Variants in KCNMA1 observed in about 807,000 individuals in gnomAD.
The protein encoded by KCNMA1 is potassium calcium-activated channel subfamily M alpha 1.
A neutral mutation model predicts 140.0 loss-of-function variants in KCNMA1; 29 were observed. The ratio of observed to expected loss-of-function variants is 0.21; its 90% CI spans 0.15 to 0.28. The LOEUF (loss-of-function observed/expected upper bound fraction) is 0.28, where lower values mean the gene tolerates loss of function less well. KCNMA1 is among the 10% of genes least tolerant of loss of function. The probability of loss-of-function intolerance (pLI) is 1.00; values close to 1 mark genes in which losing one functional copy is unlikely to be tolerated. For missense variants in KCNMA1, 880 were observed against 1,602.2 expected (o/e 0.55, Z 7.70); for synonymous variants, 612 against 611.9 (o/e 1.00, Z 0.00).
chr10:77,568,486 C>G, intron 1 of KCNMA1, among the ~76,000 whole-genome samples: 1 of 152,054 alleles, frequency 6.6e-6, no homozygotes, highest in Non-Finnish European at 1.5e-5. Context: ...ACAAAAACCA[C>G]ATGATTATCT....
At chr10:77,001,302 A>G (rs1315106576) in intron 19 of KCNMA1, 105 bp downstream of exon 19, 6 of 1,036,562 alleles carry the variant, frequency 5.8e-6, no homozygotes, top group Non-Finnish European at 8.8e-6. Flanking sequence ...CACTGGGAAG[A>G]AGACATCAGC....
intron 5 of KCNMA1, among the ~76,000 whole-genome samples, chr10:77,130,818 T>C (rs894074387): frequency 6.6e-6 from 1 of 152,144 alleles, no homozygotes; most frequent in Admixed American, 6.6e-5. Flanking sequence ...TTTATATTTA[T>C]ATAAACATAT....
intron 3 of KCNMA1, among the ~76,000 whole-genome samples, chr10:77,185,640 T>TGTGTC (rs2098843473): frequency 6.6e-6 from 1 of 150,866 alleles, no homozygotes; most frequent in Non-Finnish European, 1.5e-5. Context: ...ACTTGGTGTG[T>TGTGTC]GTGTCGAGCA....
At chr10:77,218,847 C>T (rs939439315) in intron 3 of KCNMA1, among the ~76,000 whole-genome samples, 6 of 152,142 alleles carry the variant, frequency 3.9e-5, no homozygotes, top group South Asian at 4.2e-4. Context: ...CCACCATATC[C>T]GGCTAATTTT....
At chr10:77,620,756 A>T (rs970187304) in intron 1 of KCNMA1, among the ~76,000 whole-genome samples, 51 of 152,232 alleles carry the variant, frequency 3.4e-4, no homozygotes, top group African/African-American at 1.2e-3. Flanking sequence ...TCTGTTATTC[A>T]CATTGCCATT....
At chr10:77,545,162 C>T (rs1037446817) in intron 1 of KCNMA1, among the ~76,000 whole-genome samples, 2 of 152,174 alleles carry the variant, frequency 1.3e-5, no homozygotes, top group Non-Finnish European at 2.9e-5. Context: ...TGGGTTCCTC[C>T]GGAAAATCTC....
intron 2 of KCNMA1, among the ~76,000 whole-genome samples, chr10:77,287,444 GA>G (rs538459831): frequency 6.6e-6 from 1 of 152,162 alleles, no homozygotes; most frequent in Non-Finnish European, 1.5e-5. Flanking sequence ...TTTTATTACA[GA>G]AGAGACTGTC....
At chr10:77,581,863 G>A (rs1300308059) in intron 1 of KCNMA1, among the ~76,000 whole-genome samples, 2 of 152,232 alleles carry the variant, frequency 1.3e-5, no homozygotes, top group East Asian at 3.9e-4. Context: ...CTCAATGGAG[G>A]AAGACAGCTT....
intron 1 of KCNMA1, among the ~76,000 whole-genome samples, chr10:77,624,090 T>C (rs1370407983): frequency 1.3e-5 from 2 of 152,200 alleles, no homozygotes; most frequent in African/African-American, 4.8e-5. Flanking sequence ...TGCAGTTATC[T>C]TATCCCTGCT....
At chr10:77,015,654 T>C (rs761926342) in intron 17 of KCNMA1, among the ~76,000 whole-genome samples, 3 of 152,298 alleles carry the variant, frequency 2.0e-5, no homozygotes, top group East Asian at 1.9e-4. Flanking sequence ...ATAGCCCAGA[T>C]AGAATGCTTA....
intron 1 of KCNMA1, among the ~76,000 whole-genome samples, chr10:77,508,500 G>T (rs569066530): frequency 1.3e-5 from 2 of 150,774 alleles, no homozygotes; most frequent in South Asian, 4.2e-4. Context: ...TGACTTTTAT[G>T]CTCTTTTTAT....
rs544178040 is a variant in KCNMA1 at position 76,878,785 on chromosome 10, A to G, written c.3428-895T>C. Reference sequence around the variant, plus strand: ...AGCATCCTCTTAGCAGTGCAAAGCTATTTTACAAGACTCAACCCTCATCCC... The same window carrying G: ...AGCATCCTCTTAGCAGTGCAAAGCTGTTTTACAAGACTCAACCCTCATCCC... On this transcript the variant is annotated intron_variant, in intron 29 of 29. Coordinates refer to the KCNMA1 transcript ENST00000372403. Among the ~76,000 whole-genome samples the G allele has an allele frequency of 9.2e-5, 14 of 152,130 alleles. No individual in the cohort carries two copies. In the East Asian group the frequency reaches 2.5e-3, roughly 27 times the overall value.
At chr10:77,543,321 C>G (rs1438015244) in intron 1 of KCNMA1, among the ~76,000 whole-genome samples, 1 of 152,130 alleles carries the variant, frequency 6.6e-6, no homozygotes, top group Non-Finnish European at 1.5e-5. Flanking sequence ...GGAGCTGACA[C>G]CATGGCAGAG....
intron 25 of KCNMA1, among the ~76,000 whole-genome samples, chr10:76,909,291 TC>T (rs1459124123): frequency 2.0e-5 from 3 of 152,090 alleles, no homozygotes; most frequent in African/African-American, 7.2e-5. Context: ...ACCAGCTCTA[TC>T]CTAGTCCAAG....
At chr10:77,409,721 C>T (rs1428672302) in intron 1 of KCNMA1, among the ~76,000 whole-genome samples, 1 of 152,184 alleles carries the variant, frequency 6.6e-6, no homozygotes, top group African/African-American at 2.4e-5. Flanking sequence ...ACAGCCCCAT[C>T]CCTCAGATTT....
intron 5 of KCNMA1, among the ~76,000 whole-genome samples, chr10:77,166,969 T>C (rs532207746): frequency 6.6e-6 from 1 of 152,336 alleles, no homozygotes; most frequent in South Asian, 2.1e-4. Flanking sequence ...ATTGAAATTA[T>C]TCTTTTGTAG....
In KCNMA1 at chr10:77,063,011, A is replaced by G. The variant is rs1041597918; in HGVS notation, c.1749+10086T>C. On this transcript the variant is annotated intron_variant, in intron 14 of 27. Coordinates refer to ENST00000286628, the MANE Select transcript of KCNMA1 (RefSeq NM_001161352.2). Reference sequence around the variant, plus strand: ...ATGGTGATGGGTCCTGTGGCTTACTATTCTACAACTGAAGAAAGGTCAGAG... The same window carrying G: ...ATGGTGATGGGTCCTGTGGCTTACTGTTCTACAACTGAAGAAAGGTCAGAG... Among the ~76,000 whole-genome samples the G allele has an allele frequency of 2.0e-5, 3 of 152,196 alleles. No individual in the cohort carries two copies. The East Asian group carries it at 5.8e-4, about 29-fold the overall frequency.
intron 3 of KCNMA1, among the ~76,000 whole-genome samples, chr10:77,197,736 G>C (rs2041025831): frequency 6.6e-6 from 1 of 152,176 alleles, no homozygotes. Flanking sequence ...ACCGAAAGGG[G>C]GAGGTTGCAT....
At chr10:77,206,423 C>G (rs73293970) in intron 3 of KCNMA1, among the ~76,000 whole-genome samples, 2,972 of 152,222 alleles carry the variant, frequency 0.02, 97 homozygotes, top group African/African-American at 0.067. Flanking sequence ...AGGGCTTAGA[C>G]AGTCACTGGC....
Sources: allele counts gnomAD v4.1 joint callset (sites outside exome capture counted in the v4.1 genomes callset), GRCh38; gene constraint gnomAD v4.1.1; transcripts MANE v1.5; gene names NCBI Gene and HGNC (gene_info 2026-07-23, HGNC 2026-07-21).